SOX6: variants seen among roughly 807,000 people sequenced by gnomAD.
The protein encoded by SOX6 is transcription factor SOX-6.
Under a neutral mutation model 97.8 loss-of-function variants are expected in SOX6, and 11 were observed. The observed-to-expected ratio is 0.11, with a 90% CI of 0.07 to 0.19. The LOEUF is 0.19. Among genes scored for constraint, SOX6 ranks in the 10% least tolerant of loss-of-function variants. The pLI, the probability that SOX6 is intolerant of heterozygous loss-of-function variation, is 1.00. For missense variants in SOX6, 810 were observed against 1,039.5 expected (o/e 0.78, Z 3.04); for synonymous variants, 360 against 371.4 (o/e 0.97, Z 0.35).
intron 4 of SOX6, among the ~76,000 whole-genome samples, chr11:16,530,745 T>C (rs1369943492): frequency 6.6e-6 from 1 of 151,792 alleles, no homozygotes; most frequent in East Asian, 1.9e-4. Context: ...AGAAGAAACA[T>C]GCAGACAGAC....
chr11:16,353,025 C>A (rs1359992333), intron 1 of SOX6, among the ~76,000 whole-genome samples: 3 of 152,142 alleles, frequency 2.0e-5, no homozygotes, highest in Admixed American at 6.6e-5. Context: ...CTTTTCCTAG[C>A]ATGCTATTTC....
At chr11:16,204,967 CA>C (rs1432379450) in intron 4 of SOX6, among the ~76,000 whole-genome samples, 1 of 151,730 alleles carries the variant, frequency 6.6e-6, no homozygotes, top group Non-Finnish European at 1.5e-5. Context: ...AAAAAAAAAT[CA>C]AGGGAAATAA....
At chr11:16,533,798 C>G (rs1374443723) in intron 4 of SOX6, among the ~76,000 whole-genome samples, 1 of 151,972 alleles carries the variant, frequency 6.6e-6, no homozygotes, top group Non-Finnish European at 1.5e-5. Context: ...TTAAAATAAA[C>G]ATATATTTCC....
At chr11:16,510,171 A>C (rs1409220870) in intron 4 of SOX6, among the ~76,000 whole-genome samples, 1 of 152,030 alleles carries the variant, frequency 6.6e-6, no homozygotes, top group Non-Finnish European at 1.5e-5. Context: ...TTAATTCACA[A>C]ATTGGTACAT....
At chr11:16,583,924 T>C (rs1025228289) in intron 4 of SOX6, among the ~76,000 whole-genome samples, 1 of 152,104 alleles carries the variant, frequency 6.6e-6, no homozygotes, top group African/African-American at 2.4e-5. Flanking sequence ...TCAGCATTTT[T>C]TTGTCTTTTT....
chr11:16,015,334 TC>T, intron 12 of SOX6: 1 of 453,776 alleles, frequency 2.2e-6, no homozygotes, highest in Non-Finnish European at 4.0e-6. Context: ...GCTCCAGTAA[TC>T]TAAAAACAAC....
At chr11:16,376,074 T>C (rs1356475177) in intron 1 of SOX6, among the ~76,000 whole-genome samples, 2 of 152,090 alleles carry the variant, frequency 1.3e-5, no homozygotes, top group African/African-American at 4.8e-5. Flanking sequence ...AAATACCTAA[T>C]GTAAATGACA....
intron 3 of SOX6, among the ~76,000 whole-genome samples, chr11:16,630,011 C>T (rs1848682302): frequency 6.6e-6 from 1 of 151,962 alleles, no homozygotes; most frequent in Non-Finnish European, 1.5e-5. Flanking sequence ...AGCTAATGGT[C>T]TATCAATTTT....
chr11:16,717,558 A>G (rs915442578), intron 2 of SOX6, among the ~76,000 whole-genome samples: 11 of 152,150 alleles, frequency 7.2e-5, no homozygotes, highest in Non-Finnish European at 1.6e-4. Context: ...GAACTTTATA[A>G]GAATTGGTAA....
chr11:16,693,403 T>G (rs1209210421), intron 3 of SOX6, among the ~76,000 whole-genome samples: 1 of 152,160 alleles, frequency 6.6e-6, no homozygotes, highest in Admixed American at 6.5e-5. Context: ...TACAATCTTT[T>G]TGTGTGTGAT....
rs779607889 is a variant in SOX6 at position 15,968,131 on chromosome 11, A to T, written c.*4678T>A. 2.0e-5 allele frequency: 3 copies of T among 152,220 alleles called. No homozygotes were observed. The allele number at this position is 152,220 out of a possible 1,614,324, so 9.4% of individuals were successfully genotyped here. On this transcript the variant is annotated 3_prime_UTR_variant, in exon 16 of 16. Coordinates refer to ENST00000683767, the MANE Select transcript of SOX6 (RefSeq NM_001367873.1). ...CAGAAGTTGTTTATTAGGGAAGAAA[A>T]CATGTCAGGGAGCAGATGACTTAAG...
intron 15 of SOX6, among the ~76,000 whole-genome samples, chr11:15,978,307 C>A (rs1011422546): frequency 2.0e-5 from 3 of 151,966 alleles, no homozygotes; most frequent in African/African-American, 7.2e-5. Flanking sequence ...CAATCACTCC[C>A]AATACACCAC....
intron 4 of SOX6, among the ~76,000 whole-genome samples, chr11:16,190,486 T>C (rs1393539487): frequency 6.6e-6 from 1 of 152,208 alleles, no homozygotes; most frequent in Non-Finnish European, 1.5e-5. Flanking sequence ...ATTTACATTG[T>C]ATTAGGTGTT....
intron 13 of SOX6, among the ~76,000 whole-genome samples, chr11:16,000,328 G>T (rs1487565862): frequency 1.3e-5 from 2 of 152,210 alleles, no homozygotes; most frequent in Non-Finnish European, 2.9e-5. Flanking sequence ...AAGAAGAAAT[G>T]CCAGAGATGT....
intron 7 of SOX6, among the ~76,000 whole-genome samples, chr11:16,102,935 T>C (rs772831204): frequency 6.6e-6 from 1 of 151,834 alleles, no homozygotes; most frequent in Non-Finnish European, 1.5e-5. Flanking sequence ...GAAGATAACA[T>C]TGGAAAAAAC....
chr11:16,375,850 C>A (rs1590169345), intron 1 of SOX6, among the ~76,000 whole-genome samples: 1 of 151,958 alleles, frequency 6.6e-6, no homozygotes, highest in African/African-American at 2.4e-5. Flanking sequence ...TACTATGCAG[C>A]CATAAAAAAG....
At chr11:16,648,642 C>T (rs1306313855) in intron 3 of SOX6, among the ~76,000 whole-genome samples, 2 of 152,108 alleles carry the variant, frequency 1.3e-5, no homozygotes, top group Non-Finnish European at 2.9e-5. Context: ...AATTCCACTG[C>T]CTATAACATC....
intron 12 of SOX6, among the ~76,000 whole-genome samples, chr11:16,044,260 C>T (rs1009587744): frequency 1.3e-5 from 2 of 152,034 alleles, no homozygotes; most frequent in Non-Finnish European, 2.9e-5. Context: ...AAGAGGTATG[C>T]TTAATAAATT....
intron 3 of SOX6, among the ~76,000 whole-genome samples, chr11:16,697,506 T>G (rs1848062798): frequency 6.6e-6 from 1 of 152,168 alleles, no homozygotes; most frequent in African/African-American, 2.4e-5. Flanking sequence ...TAGTGGCACG[T>G]GCCTGTAATC....
Sources: gnomAD v4.1 joint callset for allele counts (sites outside exome capture counted in the v4.1 genomes callset) on GRCh38, gnomAD v4.1.1 for gene constraint, MANE v1.5 for transcripts, NCBI Gene and HGNC (gene_info 2026-07-23, HGNC 2026-07-21) for gene names.